The following ULK4 variants were observed in gnomAD, a reference collection of about 807,000 sequenced individuals.
The protein encoded by ULK4 is inactive serine/threonine-protein kinase ULK4.
In ULK4, 133 loss-of-function variants were observed where a neutral mutation model predicts 160.6. The ratio of observed to expected loss-of-function variants is 0.83; its 90% CI spans 0.72 to 0.96. The LOEUF is 0.96. Among genes scored for constraint, ULK4 ranks in the 40% least tolerant of loss-of-function variants. ULK4 has a pLI of 0.00. For missense variants in ULK4, 1,580 were observed against 1,499.5 expected, an observed-to-expected ratio of 1.05 and a Z score of -0.89; for synonymous variants, 534 against 539.8, an observed-to-expected ratio of 0.99 and a Z score of 0.15.
At chr3:41,731,155 C>A (rs978950480) in intron 22 of ULK4, among the ~76,000 whole-genome samples, 62 of 150,248 alleles carry the variant, frequency 4.1e-4, no homozygotes, top group African/African-American at 1.5e-3. Flanking sequence ...ACTTTCATCA[C>A]TTTTATTCAA....
At chr3:41,471,479 C>T (rs1030082931) in intron 32 of ULK4, among the ~76,000 whole-genome samples, 1 of 152,150 alleles carries the variant, frequency 6.6e-6, no homozygotes, top group Middle Eastern at 3.2e-3. Context: ...TCTTGAACAA[C>T]ACTTTAGACC....
At position 41,715,226 on chromosome 3, in the gene ULK4, G is replaced by A. The variant is rs377032632; in HGVS notation, c.2634+11C>T. 61 of 1,608,892 alleles carry A rather than the reference G, an allele frequency of 3.8e-5. No individual in the cohort carries two copies. Among genetic ancestry groups the A allele is most frequent in the Middle Eastern group, 2.0e-4 (1 of 5,004 alleles). ...TTTTATTAGAAACAAGGAAAATTTCGTGTTACTCACAAGAATAGTTCCATA... is the reference window on the plus strand; with the variant it reads ...TTTTATTAGAAACAAGGAAAATTTCATGTTACTCACAAGAATAGTTCCATA... On this transcript the variant is annotated intron_variant, in intron 25 of 36. Transcript: ENST00000301831.
chr3:41,724,716 C>T (rs1575610808), intron 22 of ULK4, among the ~76,000 whole-genome samples: 1 of 151,968 alleles, frequency 6.6e-6, no homozygotes, highest in South Asian at 2.1e-4. Context: ...GAGTGAGACT[C>T]TGTCTCAAAA....
chr3:41,620,167 C>A (rs1012246855), intron 30 of ULK4, among the ~76,000 whole-genome samples: 1 of 152,090 alleles, frequency 6.6e-6, no homozygotes, highest in African/African-American at 2.4e-5. Context: ...AATTCACAGC[C>A]GAATTCTACC....
At chr3:41,911,975 A>T (rs1698804314) in intron 9 of ULK4, among the ~76,000 whole-genome samples, 1 of 151,994 alleles carries the variant, frequency 6.6e-6, no homozygotes. Flanking sequence ...CAACATAGTG[A>T]GACCTTGTCT....
chr3:41,440,657 T>C (rs1290200509), intron 34 of ULK4, among the ~76,000 whole-genome samples: 1 of 152,162 alleles, frequency 6.6e-6, no homozygotes, highest in Non-Finnish European at 1.5e-5. Context: ...AGGGTAATGC[T>C]AGCCTCTAGA....
chr3:41,366,040 A>G (rs1218411397), intron 35 of ULK4, among the ~76,000 whole-genome samples: 1 of 152,210 alleles, frequency 6.6e-6, no homozygotes, highest in Non-Finnish European at 1.5e-5. Context: ...TAAATCCTCC[A>G]ATCCACAAAG....
chr3:41,722,243 GT>G (rs1186547412), intron 22 of ULK4, among the ~76,000 whole-genome samples: 4 of 152,126 alleles, frequency 2.6e-5, no homozygotes, highest in African/African-American at 9.7e-5. Flanking sequence ...CTAACACTCT[GT>G]TTTTCATCCC....
At chr3:41,714,788 G>A (rs1447068419) in intron 25 of ULK4, among the ~76,000 whole-genome samples, 1 of 147,978 alleles carries the variant, frequency 6.8e-6, no homozygotes, top group Non-Finnish European at 1.5e-5. Context: ...GGAGGCGGAG[G>A]TTGCAGTGAG....
intron 35 of ULK4, among the ~76,000 whole-genome samples, chr3:41,396,447 TCA>T (rs986938833): frequency 6.6e-6 from 1 of 152,112 alleles, no homozygotes; most frequent in African/African-American, 2.4e-5. Flanking sequence ...TCTACCATAT[TCA>T]CAGTTTTGCC....
intron 31 of ULK4, among the ~76,000 whole-genome samples, chr3:41,568,073 C>G (rs1402109885): frequency 6.6e-6 from 1 of 152,196 alleles, no homozygotes; most frequent in Non-Finnish European, 1.5e-5. Context: ...CTATTTTACA[C>G]TCAGGATTAT....
intron 34 of ULK4, among the ~76,000 whole-genome samples, chr3:41,444,041 T>G (rs1201644340): frequency 6.6e-6 from 1 of 152,158 alleles, no homozygotes; most frequent in African/African-American, 2.4e-5. Context: ...GTACTTCTGA[T>G]TATTACCTAT....
chr3:41,780,157 CA>C (rs1020933129), intron 21 of ULK4, among the ~76,000 whole-genome samples: 10 of 149,260 alleles, frequency 6.7e-5, no homozygotes, highest in Admixed American at 1.3e-4. Context: ...ACCGAAAATA[CA>C]AAAAAAAAGC....
At chr3:41,442,488 G>A (rs1433140248) in intron 34 of ULK4, among the ~76,000 whole-genome samples, 3 of 152,046 alleles carry the variant, frequency 2.0e-5, no homozygotes, top group Non-Finnish European at 4.4e-5. Context: ...TGGTATTAAA[G>A]GACCACAAAA....
intron 32 of ULK4, among the ~76,000 whole-genome samples, chr3:41,555,477 T>C (rs1403066822): frequency 1.3e-5 from 2 of 152,076 alleles, no homozygotes; most frequent in Admixed American, 1.3e-4. Context: ...TGAAATACCA[T>C]CTAACACCAG....
chr3:41,756,128 C>T (rs2038795614), intron 21 of ULK4, among the ~76,000 whole-genome samples: 2 of 152,208 alleles, frequency 1.3e-5, no homozygotes, highest in Non-Finnish European at 2.9e-5. Flanking sequence ...CTACTCTAAA[C>T]ATGAGTACTA....
chr3:41,884,380 T>C (rs1334733032), intron 16 of ULK4, among the ~76,000 whole-genome samples: 3 of 152,224 alleles, frequency 2.0e-5, no homozygotes, highest in Non-Finnish European at 4.4e-5. Context: ...AACAGTAACA[T>C]ATCTGTATGT....
chr3:41,866,719 T>C (rs1696899678), intron 17 of ULK4, among the ~76,000 whole-genome samples: 1 of 152,216 alleles, frequency 6.6e-6, no homozygotes, highest in Non-Finnish European at 1.5e-5. Context: ...ATTCACAGCA[T>C]ATGTGTGTTG....
intron 32 of ULK4, among the ~76,000 whole-genome samples, chr3:41,541,867 T>C (rs987073640): frequency 6.6e-5 from 10 of 152,222 alleles, no homozygotes; most frequent in African/African-American, 2.2e-4. Context: ...ACATTGATTT[T>C]GTATCCTGAG....
Sources: gnomAD v4.1 joint callset for allele counts (sites outside exome capture counted in the v4.1 genomes callset) on GRCh38, gnomAD v4.1.1 for gene constraint, MANE v1.5 for transcripts, NCBI Gene and HGNC (gene_info 2026-07-23, HGNC 2026-07-21) for gene names.